The following PARD3B variants were observed in gnomAD, a reference collection of about 807,000 sequenced individuals.
PARD3B encodes partitioning defective 3 homolog B.
Under a neutral mutation model 130.2 loss-of-function variants are expected in PARD3B, and 103 were observed. The ratio of observed to expected loss-of-function variants is 0.79; its 90% CI spans 0.67 to 0.93. The LOEUF (loss-of-function observed/expected upper bound fraction) is 0.93, where lower values mean the gene tolerates loss of function less well. PARD3B is among the 40% of genes least tolerant of loss of function. The probability of loss-of-function intolerance (pLI) is 0.00; values close to 1 mark genes in which losing one functional copy is unlikely to be tolerated. For missense variants in PARD3B, 1,609 were observed against 1,499.2 expected (o/e 1.07, Z -1.21); for synonymous variants, 583 against 553.2 (o/e 1.05, Z -0.76).
intron 2 of PARD3B, among the ~76,000 whole-genome samples, chr2:204,700,438 GAAAT>G (rs2037835748): frequency 6.6e-6 from 1 of 152,048 alleles, no homozygotes; most frequent in Non-Finnish European, 1.5e-5. Flanking sequence ...CACCTTATAT[GAAAT>G]AAATAGATTT....
intron 15 of PARD3B, among the ~76,000 whole-genome samples, chr2:205,243,583 G>A (rs1202191876): frequency 6.6e-6 from 1 of 152,114 alleles, no homozygotes; most frequent in Non-Finnish European, 1.5e-5. Flanking sequence ...AGTAAGCTTG[G>A]TCACCACAGA....
At chr2:204,923,269 A>G (rs1056580385) in intron 2 of PARD3B, among the ~76,000 whole-genome samples, 6 of 152,066 alleles carry the variant, frequency 3.9e-5, no homozygotes, top group Non-Finnish European at 8.8e-5. Flanking sequence ...TTTACTGAAA[A>G]TAAATTTAAA....
At chr2:205,057,288 C>T (rs533583194) in intron 4 of PARD3B, among the ~76,000 whole-genome samples, 1 of 147,550 alleles carries the variant, frequency 6.8e-6, no homozygotes, top group African/African-American at 2.5e-5. Flanking sequence ...TATACATATA[C>T]ATATATACAT....
chr2:205,084,205 T>A (rs1448183482), intron 4 of PARD3B, among the ~76,000 whole-genome samples: 2 of 152,178 alleles, frequency 1.3e-5, no homozygotes, highest in South Asian at 4.1e-4. Flanking sequence ...TGTTTTTCTG[T>A]TTTTTATCTT....
intron 1 of PARD3B, among the ~76,000 whole-genome samples, chr2:204,620,283 G>A (rs900962981): frequency 2.0e-5 from 3 of 152,056 alleles, no homozygotes; most frequent in Admixed American, 1.3e-4. Flanking sequence ...AGTTACAGGC[G>A]TGAGACACCT....
In PARD3B at chr2:205,160,038, C is replaced by T. The variant is rs1037974073; in HGVS notation, c.1620+1131C>T. Among the ~76,000 whole-genome samples the T allele has an allele frequency of 2.6e-5, 4 of 152,224 alleles. No individual in the cohort carries two copies. Among genetic ancestry groups the T allele is most frequent in the African/African-American group, 7.2e-5 (3 of 41,466 alleles). Reference sequence around the variant, plus strand: ...ACAGAGCACCCCTGCACCTAGAATTCTGGCTTTGTTGAAGCAACTGTCGTC... The same window carrying T: ...ACAGAGCACCCCTGCACCTAGAATTTTGGCTTTGTTGAAGCAACTGTCGTC... On this transcript the variant is annotated intron_variant, in intron 11 of 22. Coordinates refer to ENST00000406610, the MANE Select transcript of PARD3B (RefSeq NM_001302769.2). This position sits in a 1 kb window ranked among gnomAD's most constrained non-coding sequence, Gnocchi z 4.0.
In PARD3B at chr2:205,615,842, A is replaced by C. The variant is rs910747357; in HGVS notation, c.*29A>C. On this transcript the variant is annotated 3_prime_UTR_variant, in exon 23 of 23. Transcript: ENST00000406610. ...AGTGCCACCGAGGCCAGCCCGGTCC[A>C]GAAAGGAAGGTGTCTACTCTACCTT... The C allele has an allele frequency of 1.6e-5, 25 of 1,563,310 alleles. No individual in the cohort carries two copies. Among genetic ancestry groups the C allele is most frequent in the Admixed American group, 1.4e-4 (8 of 55,352 alleles).
chr2:204,778,430 C>G (rs975641236), intron 2 of PARD3B, among the ~76,000 whole-genome samples: 6 of 152,174 alleles, frequency 3.9e-5, no homozygotes, highest in South Asian at 2.1e-4. Flanking sequence ...AAGTGCAAGT[C>G]AAGACCCTAA....
At chr2:204,841,895 CAAAT>C (rs145552061) in intron 2 of PARD3B, among the ~76,000 whole-genome samples, 13,949 of 151,460 alleles carry the variant, frequency 0.092, 866 homozygotes, top group Non-Finnish European at 0.14. Flanking sequence ...TTTAAAATAA[CAAAT>C]AATAAGAGAA....
intron 15 of PARD3B, among the ~76,000 whole-genome samples, chr2:205,217,375 ATTG>A (rs2037969025): frequency 6.6e-6 from 1 of 152,196 alleles, no homozygotes; most frequent in Non-Finnish European, 1.5e-5. Flanking sequence ...TTTTGACAGA[ATTG>A]TAGAATAAGT....
intron 16 of PARD3B, among the ~76,000 whole-genome samples, chr2:205,284,031 G>T (rs1382654673): frequency 6.6e-6 from 1 of 152,154 alleles, no homozygotes; most frequent in African/African-American, 2.4e-5. Context: ...TATGTCAGAG[G>T]TTAAACTATG....
At chr2:204,921,914 T>C (rs2047695567) in intron 2 of PARD3B, among the ~76,000 whole-genome samples, 1 of 152,060 alleles carries the variant, frequency 6.6e-6, no homozygotes, top group African/African-American at 2.4e-5. Flanking sequence ...CAAACTAAAA[T>C]CTGCAGAGTT....
Position 205,615,520 on chromosome 2 carries a change from G to C in PARD3B, c.3325G>C (p.Glu1109Gln). Residue 1109 changes from glutamate to glutamine, a missense_variant, in exon 23 of 23, where the codon GAG becomes CAG. Physicochemically the swap from Glu to Gln is conservative, Grantham distance 29. Coordinates refer to ENST00000406610, the MANE Select transcript of PARD3B (RefSeq NM_001302769.2). ...ACCTCGGGGGCTCTACAAGGAAAGG[G>C]AGCTTCCCTATTATCCAGGGGCTCA... ...AAPRGLYKER[E>Q]LPYYPGAHPM... 1 of 1,614,040 alleles carries C rather than the reference G, an allele frequency of 6.2e-7. No homozygotes were observed. Among genetic ancestry groups the C allele is most frequent in the Non-Finnish European group, 8.5e-7 (1 of 1,179,958 alleles).
rs868739914 is a variant in PARD3B, at chr2:205,341,353, A to G, written c.2630+39652A>G. Among the ~76,000 whole-genome samples, 6 of 152,190 alleles carry G rather than the reference A, an allele frequency of 3.9e-5. No individual in the cohort carries two copies. Among genetic ancestry groups the G allele is most frequent in the Non-Finnish European group, 1.5e-5 (1 of 68,012 alleles). On this transcript the variant is annotated intron_variant, in intron 18 of 22. Transcript: ENST00000406610. The surrounding 1 kb of genome is among the most constrained non-coding windows in gnomAD (Gnocchi z 4.3). ...ATGGAATCAACCAAAATGTCCATTA[A>G]CAGATGAGTAATTAAAGAAAATGTG...
intron 2 of PARD3B, among the ~76,000 whole-genome samples, chr2:204,735,403 TTCAATGTACAGGAAA>T (rs1205791345): frequency 6.6e-6 from 1 of 152,104 alleles, no homozygotes; most frequent in East Asian, 1.9e-4. Flanking sequence ...AACCCTAATT[TTCAATGTACAGGAAA>T]TACAAGGGAT....
chr2:204,625,431 C>T (rs367634199), intron 1 of PARD3B, among the ~76,000 whole-genome samples: 1 of 152,260 alleles, frequency 6.6e-6, no homozygotes, highest in East Asian at 1.9e-4. Context: ...GAAAGCATCA[C>T]TCTTGCAATT....
intron 15 of PARD3B, among the ~76,000 whole-genome samples, chr2:205,200,603 G>T (rs988179700): frequency 6.6e-6 from 1 of 152,178 alleles, no homozygotes; most frequent in Non-Finnish European, 1.5e-5. Context: ...AGGATTTATT[G>T]ACACTTACTG....
intron 21 of PARD3B, among the ~76,000 whole-genome samples, chr2:205,521,554 T>TG (rs10666082): frequency 3.9e-4 from 46 of 117,582 alleles, no homozygotes; most frequent in Admixed American, 3.2e-3. Flanking sequence ...ATTATATGAT[T>TG]TTTTTTCTTT....
At chr2:204,911,327 G>A (rs1167623117) in intron 2 of PARD3B, among the ~76,000 whole-genome samples, 1 of 152,198 alleles carries the variant, frequency 6.6e-6, no homozygotes, top group Non-Finnish European at 1.5e-5. Context: ...AGTGCTTAGT[G>A]CTTGGGAGCA....
Sources: gnomAD v4.1 joint callset for allele counts (sites outside exome capture counted in the v4.1 genomes callset) on GRCh38, gnomAD v4.1.1 for gene constraint, Gnocchi (gnomAD v3.1) non-coding constraint, MANE v1.5 for transcripts, NCBI Gene and HGNC (gene_info 2026-07-23, HGNC 2026-07-21) for gene names.